ATP6V1B2: variants seen among roughly 807,000 people sequenced by gnomAD.
ATP6V1B2 encodes ATPase H+ transporting V1 subunit B2.
In ATP6V1B2, 23 loss-of-function variants were observed where a neutral mutation model predicts 66.7. That is an observed-to-expected ratio of 0.34 (90% CI 0.25 to 0.49). ATP6V1B2 has a LOEUF of 0.49. ATP6V1B2 is among the 20% of genes least tolerant of loss of function. The probability of loss-of-function intolerance (pLI) is 0.99; values close to 1 mark genes in which losing one functional copy is unlikely to be tolerated. For synonymous variants in ATP6V1B2, 278 were observed against 236.7 expected, an observed-to-expected ratio of 1.17 and a Z score of -1.60; for missense variants, 478 against 650.8, an observed-to-expected ratio of 0.73 and a Z score of 2.89.
intron 1 of ATP6V1B2, among the ~76,000 whole-genome samples, chr8:20,201,522 C>A (rs2072687383): frequency 6.6e-6 from 1 of 152,034 alleles, no homozygotes; most frequent in Non-Finnish European, 1.5e-5. Context: ...GTCTTTTTGT[C>A]CCCACTTGTA....
chr8:20,212,079 C>T (rs1563811903), intron 7 of ATP6V1B2, 23 bp from the exon 8 acceptor site: 4 of 1,592,502 alleles, frequency 2.5e-6, no homozygotes, highest in East Asian at 2.2e-5. Context: ...TCTCCCAGCA[C>T]TGATGAAGTT....
At position 20,209,535 on chromosome 8, in the gene ATP6V1B2, AG is replaced by A. The variant is rs759117265; in HGVS notation, c.291+5del. The A allele has an allele frequency of 6.2e-7, 1 of 1,613,100 alleles. No individual in the cohort carries two copies. The highest frequency in any genetic ancestry group is 8.5e-7 in the Non-Finnish European group (1 of 1,179,166). On this transcript the variant is annotated splice_donor_5th_base_variant and intron_variant, in intron 3 of 13. Coordinates refer to ENST00000276390, the MANE Select transcript of ATP6V1B2 (RefSeq NM_001693.4). ...TGGTTCCAAGGCAGTAGTTCAGGTA[AG>A]TTTCAGCTGGCCAGCTGAACTGTTT... is the stretch of plus-strand genomic sequence containing the variant.
At chr8:20,203,705 G>A (rs1346781717) in intron 1 of ATP6V1B2, among the ~76,000 whole-genome samples, 1 of 152,122 alleles carries the variant, frequency 6.6e-6, no homozygotes, top group South Asian at 2.1e-4. Context: ...CATTTCACTT[G>A]CCATGCAGGT....
At position 20,212,121 on chromosome 8, in the gene ATP6V1B2, G is replaced by A. The variant is rs2072801395; in HGVS notation, c.725G>A (p.Arg242Gln). 5 of 1,613,466 alleles carry A rather than the reference G, an allele frequency of 3.1e-6. No individual in the cohort carries two copies. The highest frequency in any genetic ancestry group is 4.2e-6 in the Non-Finnish European group (5 of 1,179,720). Residue 242 changes from arginine (R) to glutamine (Q), a missense_variant, in exon 8 of 14, where the codon CGG becomes CAG. Physicochemically the swap from Arg to Gln is conservative, Grantham distance 43 (BLOSUM62 1). Coordinates refer to ENST00000276390, the MANE Select transcript of ATP6V1B2 (RefSeq NM_001693.4). The stretch of plus-strand genomic sequence containing the variant: ...ATTTAGGTAAACATGGAAACTGCCC[G>A]GTTCTTCAAATCTGACTTTGAAGAA... Reference protein sequence around the residue: ...AAMGVNMETARFFKSDFEENG... With the variant: ...AAMGVNMETAQFFKSDFEENG...
At chr8:20,218,341 T>A in intron 13 of ATP6V1B2, 59 bp downstream of exon 13, 1 of 1,578,212 alleles carries the variant, frequency 6.3e-7, no homozygotes, top group Non-Finnish European at 8.6e-7. Context: ...TGAAAACTGC[T>A]TTCCAAGCCT....
chr8:20,203,778 G>A (rs544120221), intron 1 of ATP6V1B2, among the ~76,000 whole-genome samples: 5 of 152,108 alleles, frequency 3.3e-5, no homozygotes, highest in African/African-American at 9.7e-5. Flanking sequence ...TTCCTAGGGC[G>A]CACTTTGCAG....
chr8:20,211,344 A>C, intron 6 of ATP6V1B2, 28 bp downstream of exon 6: 1 of 1,594,342 alleles, frequency 6.3e-7, no homozygotes, highest in East Asian at 2.2e-5. Context: ...TTTGCTATGA[A>C]GTTTAGCAGA....
In ATP6V1B2 at chr8:20,197,386, A is replaced by C. The variant is rs1275843473; in HGVS notation, c.-21A>C. Reference sequence around the variant, plus strand: ...GCGTGCGCGGCGTCGCTGCTGGGCCAGTCGGGACAGAGGAGACAAGATGGC... The same window carrying C: ...GCGTGCGCGGCGTCGCTGCTGGGCCCGTCGGGACAGAGGAGACAAGATGGC... On this transcript the variant is annotated 5_prime_UTR_variant, in exon 1 of 14. Transcript: ENST00000276390. 2.0e-6 allele frequency: 3 copies of C among 1,502,500 alleles called. No homozygotes were observed. Among genetic ancestry groups the C allele is most frequent in the Non-Finnish European group, 1.8e-6 (2 of 1,125,072 alleles). The allele number at this position is 1,502,500 out of a possible 1,614,324, so 93.1% of individuals were successfully genotyped here.
Position 20,210,713 on chromosome 8 carries a change from A to G in ATP6V1B2, c.463+67A>G, listed in dbSNP as rs2072785079. The G allele has an allele frequency of 6.4e-6, 9 of 1,407,944 alleles. 1 individual carries two copies. The South Asian group carries it at 1.1e-4, about 17-fold the overall frequency. 87.2% of individuals were successfully genotyped at this position (1,407,944 alleles called of 1,614,324 possible). ...CCTCACTCTGTCTTGTACCTTTGCC[A>G]GATAGAGAGTGTTTTTTGTGATATC... On this transcript the variant is annotated intron_variant, in intron 5 of 13. Coordinates refer to ENST00000276390, the MANE Select transcript of ATP6V1B2 (RefSeq NM_001693.4).
chr8:20,201,529 T>C (rs73214062), intron 1 of ATP6V1B2, among the ~76,000 whole-genome samples: 5,495 of 152,286 alleles, frequency 0.036, 130 homozygotes, highest in Middle Eastern at 0.15. Flanking sequence ...TGTCCCCACT[T>C]GTAGTCCAAG....
chr8:20,216,923 G>A (rs1020909986), intron 11 of ATP6V1B2: 7 of 308,922 alleles, frequency 2.3e-5, no homozygotes, highest in East Asian at 1.2e-4. Flanking sequence ...ATTTTGACTC[G>A]ATAATGTGGT....
chr8:20,199,841 GC>G (rs2072667049), intron 1 of ATP6V1B2, among the ~76,000 whole-genome samples: 1 of 152,040 alleles, frequency 6.6e-6, no homozygotes, highest in Non-Finnish European at 1.5e-5. Context: ...GAACTCCTGA[GC>G]TCAGGCAATC....
At position 20,211,726 on chromosome 8, in the gene ATP6V1B2, T is replaced by C. The variant is rs143922607; in HGVS notation, c.678T>C (p.Asn226=). The C allele has an allele frequency of 1.9e-6, 3 of 1,610,480 alleles. No homozygotes were observed. Among genetic ancestry groups the C allele is most frequent in the Non-Finnish European group, 2.5e-6 (3 of 1,179,122 alleles). The change falls in exon 7 of 14, where the codon AAT becomes AAC. Residue 226 remains asparagine, a synonymous_variant. Coordinates refer to ENST00000276390, the MANE Select transcript of ATP6V1B2 (RefSeq NM_001693.4). ...SKDVVDYSEE[N]FAIVFAAMGV... Reference sequence around the variant, plus strand: ...ATGTAGTAGACTACAGTGAGGAAAATTTTGCAATTGTATTTGCTGCTATGG... The same window carrying C: ...ATGTAGTAGACTACAGTGAGGAAAACTTTGCAATTGTATTTGCTGCTATGG...
Position 20,204,543 on chromosome 8 carries a change from A to G in ATP6V1B2, c.192+4A>G, listed in dbSNP as rs1408146924. On this transcript the variant is annotated splice_donor_region_variant and intron_variant, in intron 2 of 13. Transcript: ENST00000276390. Reference sequence around the variant, plus strand: ...AGTGATCTTAGATCATGTTAAGGTAATACCACTATCTGTTTTGGTCTATTT... The same window carrying G: ...AGTGATCTTAGATCATGTTAAGGTAGTACCACTATCTGTTTTGGTCTATTT... The G allele has an allele frequency of 6.2e-7, 1 of 1,607,746 alleles. No homozygotes were observed. The highest frequency in any genetic ancestry group is 1.7e-5 in the Admixed American group (1 of 59,956).
chr8:20,216,397 T>G lies in ATP6V1B2; in HGVS notation c.1079-16T>G. Reference sequence around the variant, plus strand: ...TAAAGATGCCATGCTTAATGCCAACTGTCTTCCTCTGGTAGATATCACTCA... The same window carrying G: ...TAAAGATGCCATGCTTAATGCCAACGGTCTTCCTCTGGTAGATATCACTCA... On this transcript the variant is annotated splice_polypyrimidine_tract_variant and intron_variant, in intron 10 of 13. Coordinates refer to ENST00000276390, the MANE Select transcript of ATP6V1B2 (RefSeq NM_001693.4). The G allele has an allele frequency of 1.9e-6, 3 of 1,603,474 alleles. No individual in the cohort carries two copies. Among genetic ancestry groups the G allele is most frequent in the Non-Finnish European group, 2.6e-6 (3 of 1,170,948 alleles).
At chr8:20,205,492 G>A (rs965625240) in intron 2 of ATP6V1B2, among the ~76,000 whole-genome samples, 7 of 152,116 alleles carry the variant, frequency 4.6e-5, no homozygotes, top group South Asian at 2.1e-4. Flanking sequence ...CTTAGAAACC[G>A]TCTCTGAGGA....
intron 11 of ATP6V1B2, 139 bp downstream of exon 11, chr8:20,216,634 C>A: frequency 1.4e-6 from 1 of 709,434 alleles, no homozygotes; most frequent in Non-Finnish European, 2.2e-6. Flanking sequence ...ATAAAATTGT[C>A]ATTTCTATTA....
At chr8:20,212,232 A>G in intron 8 of ATP6V1B2, 33 bp downstream of exon 8, 1 of 1,594,852 alleles carries the variant, frequency 6.3e-7, no homozygotes, top group Non-Finnish European at 8.6e-7. Flanking sequence ...TCTGTGGCCC[A>G]GACTCGGGAT....
chr8:20,204,487 A>G lies in ATP6V1B2; in HGVS notation c.140A>G (p.Tyr47Cys). ...RNYLSQPRLTYKTVSGVNGPL... is the reference protein window; with the variant it reads ...RNYLSQPRLTCKTVSGVNGPL... ...ACTCTTCTGTATTTCTTTCCAGCATACAAGACAGTATCTGGAGTCAATGGT... is the reference window on the plus strand; with the variant it reads ...ACTCTTCTGTATTTCTTTCCAGCATGCAAGACAGTATCTGGAGTCAATGGT... Residue 47 changes from tyrosine to cysteine, a missense_variant, in exon 2 of 14, where the codon TAC becomes TGC. By Grantham distance (194) the Tyr-to-Cys change is radical. Around this residue, in one of 2 missense-constraint regions of ATP6V1B2, gnomAD observed 152 missense variants for 105.2 expected, o/e 1.44. Transcript: ENST00000276390. 1.9e-6 allele frequency: 3 copies of G among 1,612,422 alleles called. No homozygotes were observed. The highest frequency in any genetic ancestry group is 2.5e-6 in the Non-Finnish European group (3 of 1,178,614).
Sources: gnomAD v4.1 joint callset for allele counts (sites outside exome capture counted in the v4.1 genomes callset) on GRCh38, gnomAD v4.1.1 for gene constraint, gnomAD v4.1.1 regional missense constraint, MANE v1.5 for transcripts, NCBI Gene and HGNC (gene_info 2026-07-23, HGNC 2026-07-21) for gene names.